EYS: variants seen among roughly 807,000 people sequenced by gnomAD.
The protein encoded by EYS is EGF-like photoreceptor maintenance factor.
A neutral mutation model predicts 282.1 loss-of-function variants in EYS; 250 were observed. The ratio of observed to expected loss-of-function variants is 0.89; its 90% CI spans 0.80 to 0.98. EYS has a LOEUF of 0.98. Ranked by LOEUF, EYS falls within the 50% of genes least tolerant of loss-of-function variation. The pLI is 0.00. For synonymous variants in EYS, 1,355 were observed against 1,282.9 expected (o/e 1.06, Z -1.20); for missense variants, 4,016 against 3,709.0 (o/e 1.08, Z -2.15).
chr6:64,405,729 T>C (rs1018312897), intron 28 of EYS, among the ~76,000 whole-genome samples: 1 of 151,968 alleles, frequency 6.6e-6, no homozygotes, highest in East Asian at 1.9e-4. Flanking sequence ...CCTTTCACAA[T>C]TGCTACAAAG....
At chr6:64,104,275 GA>G (rs987581776) in intron 31 of EYS, among the ~76,000 whole-genome samples, 1 of 152,052 alleles carries the variant, frequency 6.6e-6, no homozygotes, top group African/African-American at 2.4e-5. Context: ...AGGAAGGCAG[GA>G]AATAAGAAGT....
At chr6:64,332,278 C>A (rs1415867578) in intron 29 of EYS, among the ~76,000 whole-genome samples, 1 of 152,168 alleles carries the variant, frequency 6.6e-6, no homozygotes. Context: ...AATCATAATT[C>A]AGATAAAAGG....
chr6:65,435,159 C>T (rs1355393123), intron 5 of EYS, among the ~76,000 whole-genome samples: 3 of 151,730 alleles, frequency 2.0e-5, no homozygotes, highest in Non-Finnish European at 4.4e-5. Context: ...TAATTGGTTA[C>T]AGAGTTATAA....
rs1052965516 is a variant in EYS, at chr6:64,673,091, C to A, written c.3444-46846G>T. Among the ~76,000 whole-genome samples, 4 of 152,068 alleles carry A rather than the reference C, an allele frequency of 2.6e-5. No individual in the cohort carries two copies. The South Asian group carries it at 6.2e-4, about 24-fold the overall frequency. The stretch of plus-strand genomic sequence containing the variant: ...AAATTTAGAACCAATTTTACCCTTT[C>A]TTTTATAATTCAAAAAGTTGGAATA... On this transcript the variant is annotated intron_variant, in intron 22 of 42. Transcript: ENST00000503581.
In EYS at chr6:63,904,458, C is replaced by T. The variant is rs1414533387; in HGVS notation, c.7056-40100G>A. ...AAGCATAGGTTAGGGTTCAATATAC[C>T]TGGAAGCATGCACACTCAACCTGGG... is the stretch of plus-strand genomic sequence containing the variant. On this transcript the variant is annotated intron_variant, in intron 35 of 42. Transcript: ENST00000503581. Among the ~76,000 whole-genome samples the T allele has an allele frequency of 2.6e-5, 4 of 152,222 alleles. No homozygotes were observed. The East Asian group carries it at 7.7e-4, about 29-fold the overall frequency.
At chr6:65,596,697 C>T (rs1765419104) in intron 2 of EYS, among the ~76,000 whole-genome samples, 2 of 151,706 alleles carry the variant, frequency 1.3e-5, no homozygotes, top group African/African-American at 4.8e-5. Context: ...CCAAATATGT[C>T]AGTAGGCTTT....
intron 36 of EYS, chr6:63,821,127 T>G (rs139484630): frequency 2.6e-5 from 4 of 151,930 alleles, no homozygotes; most frequent in Non-Finnish European, 5.9e-5. Context: ...GTTTTATAAT[T>G]TTCTACATAG....
intron 12 of EYS, among the ~76,000 whole-genome samples, chr6:65,083,978 A>AAT (rs1774294107): frequency 6.6e-6 from 1 of 151,780 alleles, no homozygotes; most frequent in Non-Finnish European, 1.5e-5. Flanking sequence ...GACATATTAG[A>AAT]ATATATATAT....
At chr6:64,749,769 C>T (rs922951917) in intron 22 of EYS, among the ~76,000 whole-genome samples, 1 of 152,134 alleles carries the variant, frequency 6.6e-6, no homozygotes, top group African/African-American at 2.4e-5. Context: ...AGGTTGTCTA[C>T]TCTGGAGTCC....
At chr6:64,984,452 A>G (rs959130248) in intron 14 of EYS, among the ~76,000 whole-genome samples, 1 of 151,478 alleles carries the variant, frequency 6.6e-6, no homozygotes, top group Non-Finnish European at 1.5e-5. Context: ...GTATTTGTCC[A>G]TATCTTTTTA....
At chr6:65,351,739 G>A (rs1334925512) in intron 9 of EYS, among the ~76,000 whole-genome samples, 3 of 151,766 alleles carry the variant, frequency 2.0e-5, no homozygotes, top group African/African-American at 7.2e-5. Context: ...TAACAGTAGA[G>A]AGCATTTCTC....
chr6:65,603,830 T>C (rs1188453691), intron 2 of EYS, among the ~76,000 whole-genome samples: 1 of 151,960 alleles, frequency 6.6e-6, no homozygotes, highest in Non-Finnish European at 1.5e-5. Flanking sequence ...GTTATGATTG[T>C]TTGGGGTACT....
Position 64,204,749 on chromosome 6 carries a change from A to G in EYS, c.6424+25843T>C, listed in dbSNP as rs114845722. The stretch of plus-strand genomic sequence containing the variant: ...GAAAAGTTTCTGGAATCATGTTTTA[A>G]TATCTAATAGGGATTTGTATTAAGT... On this transcript the variant is annotated intron_variant, in intron 31 of 42. Transcript: ENST00000503581. Among the ~76,000 whole-genome samples the G allele has an allele frequency of 9.7e-4, 147 of 152,286 alleles. 1 individual carries two copies. The highest frequency in any genetic ancestry group is 3.9e-3 in the South Asian group (19 of 4,826).
intron 12 of EYS, among the ~76,000 whole-genome samples, chr6:65,278,324 C>CTA (rs950601575): frequency 2.6e-5 from 1 of 37,838 alleles, no homozygotes; most frequent in African/African-American, 5.1e-5. Flanking sequence ...CTATAGAAAT[C>CTA]TATATATATA....
chr6:64,899,733 C>A (rs1233288934), intron 18 of EYS, among the ~76,000 whole-genome samples: 5 of 151,796 alleles, frequency 3.3e-5, no homozygotes, highest in African/African-American at 1.2e-4. Flanking sequence ...TAAGAAAGGA[C>A]ACAAAAAAAT....
At chr6:64,169,166 A>G (rs989474488) in intron 31 of EYS, among the ~76,000 whole-genome samples, 1 of 152,196 alleles carries the variant, frequency 6.6e-6, no homozygotes, top group African/African-American at 2.4e-5. Context: ...AGTTTCTACT[A>G]TAGAGGTGTT....
intron 12 of EYS, among the ~76,000 whole-genome samples, chr6:65,168,167 T>A (rs555464733): frequency 1.2e-4 from 18 of 151,380 alleles, no homozygotes; most frequent in Admixed American, 3.3e-4. Flanking sequence ...AAGTTGCTGA[T>A]GGAAAGCATG....
At chr6:63,951,236 C>T (rs2149765678) in intron 35 of EYS, among the ~76,000 whole-genome samples, 1 of 152,232 alleles carries the variant, frequency 6.6e-6, no homozygotes, top group African/African-American at 2.4e-5. Flanking sequence ...ACCTAAATGC[C>T]TTACTTTCTT....
chr6:64,810,751 G>A (rs1213286283), intron 22 of EYS, among the ~76,000 whole-genome samples: 1 of 151,916 alleles, frequency 6.6e-6, no homozygotes, highest in Non-Finnish European at 1.5e-5. Flanking sequence ...TACCCTTAAG[G>A]TGCAAAGTTA....
Sources: allele counts gnomAD v4.1 joint callset (sites outside exome capture counted in the v4.1 genomes callset), GRCh38; gene constraint gnomAD v4.1.1; transcripts MANE v1.5; gene names NCBI Gene and HGNC (gene_info 2026-07-23, HGNC 2026-07-21).